PPM1B: variants seen among roughly 807,000 people sequenced by gnomAD.
PPM1B encodes protein phosphatase 1B.
Under a neutral mutation model 43.0 loss-of-function variants are expected in PPM1B, and 22 were observed. The observed-to-expected ratio is 0.51, with a 90% CI of 0.37 to 0.73. The LOEUF (loss-of-function observed/expected upper bound fraction) is 0.73. Among genes scored for constraint, PPM1B ranks in the 30% least tolerant of loss-of-function variants. The probability of loss-of-function intolerance (pLI) is 0.00; values close to 1 mark genes in which losing one functional copy is unlikely to be tolerated. For synonymous variants in PPM1B, 217 were observed against 197.9 expected, an observed-to-expected ratio of 1.10 and a Z score of -0.81; for missense variants, 632 against 584.2, an observed-to-expected ratio of 1.08 and a Z score of -0.84.
intron 3 of PPM1B, 114 bp from the exon 4 acceptor site, chr2:44,217,853 A>AT (rs1669793925): frequency 3.1e-5 from 17 of 543,746 alleles, no homozygotes; most frequent in South Asian, 1.3e-4. Flanking sequence ...GTTGATGGTA[A>AT]TTTTTTTTAA....
chr2:44,227,552 C>G (rs1021013890), intron 5 of PPM1B, among the ~76,000 whole-genome samples: 10 of 146,708 alleles, frequency 6.8e-5, no homozygotes, highest in African/African-American at 1.0e-4. Flanking sequence ...GAGTCTTGCT[C>G]TGTCGCCTAG....
At chr2:44,232,857 G>A (rs964195350), downstream of PPM1B, 9 of 971,070 alleles carry the variant, frequency 9.3e-6, no homozygotes, top group East Asian at 9.2e-4. Flanking sequence ...ATTATTGATT[G>A]TTATTTAATT....
At chr2:44,175,785 AT>A (rs1341851363) in intron 1 of PPM1B, among the ~76,000 whole-genome samples, 356 of 138,248 alleles carry the variant, frequency 2.6e-3, no homozygotes, top group East Asian at 8.5e-3. Context: ...TTGGTTTGAG[AT>A]TTTTTTTTTT....
In PPM1B at chr2:44,230,747, C is replaced by T. The variant is rs200010688; in HGVS notation, c.*29C>T. 1.9e-6 allele frequency: 3 copies of T among 1,593,032 alleles called. No individual in the cohort carries two copies. Among genetic ancestry groups the T allele is most frequent in the South Asian group, 2.3e-5 (2 of 88,172 alleles). On this transcript the variant is annotated 3_prime_UTR_variant, in exon 6 of 6. Coordinates refer to ENST00000282412, the MANE Select transcript of PPM1B (RefSeq NM_002706.6). Reference sequence around the variant, plus strand: ...TCCTTTTTGGTAATATTTTTGTGATCTTTGATGGTTTTTAACCTAGGAAGT... The same window carrying T: ...TCCTTTTTGGTAATATTTTTGTGATTTTTGATGGTTTTTAACCTAGGAAGT...
At position 44,230,637 on chromosome 2, in the gene PPM1B, T is replaced by TG; in HGVS notation, c.1359_1360insG (p.Thr454AspfsTer2). On this transcript the variant is annotated frameshift_variant, in exon 6 of 6. Coordinates refer to ENST00000282412, the MANE Select transcript of PPM1B (RefSeq NM_002706.6). LOFTEE classifies it high-confidence loss of function. ...ACCCAGTGACAATGCAGGAAAGCCATACTGAATCAGAAAGTGGTCTTGCTG... is the reference window on the plus strand; with the variant it reads ...ACCCAGTGACAATGCAGGAAAGCCATGACTGAATCAGAAAGTGGTCTTGCTG... 1 of 1,614,204 alleles carries TG rather than the reference T, an allele frequency of 6.2e-7. No individual in the cohort carries two copies. Among genetic ancestry groups the TG allele is most frequent in the Non-Finnish European group, 8.5e-7 (1 of 1,180,020 alleles).
At chr2:44,215,141 A>C (rs894841842) in intron 3 of PPM1B, among the ~76,000 whole-genome samples, 2 of 152,232 alleles carry the variant, frequency 1.3e-5, no homozygotes, top group African/African-American at 2.4e-5. Context: ...TCAGGAGACA[A>C]AATTGTTAGC....
chr2:44,192,284 C>A (rs1251839335), intron 1 of PPM1B, among the ~76,000 whole-genome samples: 1 of 151,984 alleles, frequency 6.6e-6, no homozygotes, highest in African/African-American at 2.4e-5. Context: ...GTGGCACGAT[C>A]TCGGCTCACT....
rs150625944 is a variant in PPM1B at position 44,201,468 on chromosome 2, A to G, written c.269A>G (p.Lys90Arg). The G allele has an allele frequency of 7.4e-6, 12 of 1,614,104 alleles. No homozygotes were observed. The African/African-American group carries it at 1.6e-4, about 22-fold the overall frequency. Residue 90 changes from lysine to arginine, a missense_variant, in exon 2 of 6, where the codon AAA (lysine) becomes AGA (arginine). Transcript: ENST00000282412. The surrounding 1 kb of genome is among the most constrained non-coding windows in gnomAD (Gnocchi z 5.4). ...AACGAAGACTTTAGGGCAGCTGGAA[A>G]ATCAGGATCTGCTCTTGAGCTTTCA... is the stretch of plus-strand genomic sequence containing the variant. ...TTNEDFRAAG[K>R]SGSALELSVE...
downstream of PPM1B, among the ~76,000 whole-genome samples, chr2:44,246,770 T>C (rs145543816): frequency 2.0e-5 from 3 of 152,360 alleles, no homozygotes; most frequent in African/African-American, 7.2e-5. Context: ...ATTGCTTGCA[T>C]CATTTATGCA....
At chr2:44,236,981 A>C (rs560010440), downstream of PPM1B, among the ~76,000 whole-genome samples, 85 of 152,374 alleles carry the variant, frequency 5.6e-4, no homozygotes, top group Middle Eastern at 3.4e-3. Context: ...GACAATTCCT[A>C]GTTGTGCAAA....
At chr2:44,221,236 C>T (rs946830363) in intron 5 of PPM1B, among the ~76,000 whole-genome samples, 1 of 152,152 alleles carries the variant, frequency 6.6e-6, no homozygotes, top group Admixed American at 6.6e-5. Context: ...TCCTTGTTTA[C>T]TGTGAAAACT....
At chr2:44,207,637 G>C (rs761497366) in intron 2 of PPM1B, among the ~76,000 whole-genome samples, 10 of 150,976 alleles carry the variant, frequency 6.6e-5, no homozygotes, top group Non-Finnish European at 1.2e-4. Flanking sequence ...GTGCAGTGGT[G>C]TCATCACGGC....
intron 5 of PPM1B, chr2:44,230,002 TGAA>T (rs745325452): frequency 6.3e-7 from 1 of 1,588,952 alleles, no homozygotes; most frequent in East Asian, 2.2e-5. Flanking sequence ...GCAGAAATGA[TGAA>T]GAAACTGTTC....
At chr2:44,209,456 A>T in intron 3 of PPM1B, 129 bp downstream of exon 3, 2 of 1,048,388 alleles carry the variant, frequency 1.9e-6, no homozygotes, top group Non-Finnish European at 2.7e-6. Context: ...TTAGAGAGGG[A>T]AAGTATTCTT....
intron 1 of PPM1B, among the ~76,000 whole-genome samples, chr2:44,188,719 C>T (rs1469212298): frequency 2.1e-5 from 3 of 141,702 alleles, no homozygotes; most frequent in Admixed American, 7.2e-5. Flanking sequence ...GCCTGCTTTC[C>T]TTCCTTCCTT....
intron 1 of PPM1B, among the ~76,000 whole-genome samples, chr2:44,192,252 C>G (rs1003047661): frequency 7.1e-6 from 1 of 141,614 alleles, no homozygotes; most frequent in Non-Finnish European, 1.5e-5. Flanking sequence ...GAGTTTCGCT[C>G]TGTCGCCCAG....
At chr2:44,211,099 G>A (rs1470393924) in intron 3 of PPM1B, among the ~76,000 whole-genome samples, 1 of 152,002 alleles carries the variant, frequency 6.6e-6, no homozygotes, top group African/African-American at 2.4e-5. Flanking sequence ...TCATGCCACT[G>A]TACTCTAGCC....
At chr2:44,181,846 A>G (rs985041300) in intron 1 of PPM1B, among the ~76,000 whole-genome samples, 2 of 152,214 alleles carry the variant, frequency 1.3e-5, no homozygotes, top group African/African-American at 4.8e-5. Context: ...AAGCCATGAG[A>G]TTGCATCAGA....
intron 3 of PPM1B, among the ~76,000 whole-genome samples, chr2:44,214,805 C>A (rs1360872640): frequency 6.6e-6 from 1 of 152,122 alleles, no homozygotes; most frequent in Non-Finnish European, 1.5e-5. Flanking sequence ...TTCTCCTAGT[C>A]AGAAAGAACT....
Sources: gnomAD v4.1 joint callset for allele counts (sites outside exome capture counted in the v4.1 genomes callset) on GRCh38, gnomAD v4.1.1 for gene constraint, Gnocchi (gnomAD v3.1) non-coding constraint, MANE v1.5 for transcripts, NCBI Gene and HGNC (gene_info 2026-07-23, HGNC 2026-07-21) for gene names.